Variants in THSD7B observed in about 807,000 individuals in gnomAD.
THSD7B encodes thrombospondin type 1 domain containing 7B.
THSD7B carries 138 observed loss-of-function variants against 213.6 expected under a neutral mutation model. The ratio of observed to expected loss-of-function variants is 0.65; its 90% CI spans 0.56 to 0.74. THSD7B has a LOEUF of 0.74. Ranked by LOEUF, THSD7B falls within the 30% of genes least tolerant of loss-of-function variation. The pLI is 0.00. For missense variants in THSD7B, 1,931 were observed against 1,991.5 expected, an observed-to-expected ratio of 0.97 and a Z score of 0.58; for synonymous variants, 742 against 687.0, an observed-to-expected ratio of 1.08 and a Z score of -1.25.
chr2:137,081,548 T>C (rs1687748087), intron 3 of THSD7B, among the ~76,000 whole-genome samples: 1 of 152,186 alleles, frequency 6.6e-6, no homozygotes, highest in South Asian at 2.1e-4. Flanking sequence ...CAATTCATTT[T>C]ATTATTTCTC....
At chr2:137,244,420 T>C (rs1681980437) in intron 10 of THSD7B, among the ~76,000 whole-genome samples, 1 of 152,186 alleles carries the variant, frequency 6.6e-6, no homozygotes, top group Non-Finnish European at 1.5e-5. Flanking sequence ...ATTAACTTTG[T>C]TGAGCCAGTG....
chr2:137,236,061 T>C (rs1411753752), intron 9 of THSD7B, among the ~76,000 whole-genome samples: 1 of 152,200 alleles, frequency 6.6e-6, no homozygotes, highest in Non-Finnish European at 1.5e-5. Context: ...ATCAGCAATA[T>C]AAAGTATCCT....
At chr2:137,254,591 C>A (rs1682261778) in intron 10 of THSD7B, among the ~76,000 whole-genome samples, 1 of 152,144 alleles carries the variant, frequency 6.6e-6, no homozygotes, top group Non-Finnish European at 1.5e-5. Context: ...TTCTGGTGGA[C>A]TCCTGGTATT....
chr2:137,615,065 G>T (rs1056774225), intron 17 of THSD7B, among the ~76,000 whole-genome samples: 1 of 152,142 alleles, frequency 6.6e-6, no homozygotes, highest in Admixed American at 6.5e-5. Flanking sequence ...TTGTGAACAT[G>T]TTTAATGGTA....
At chr2:137,196,165 G>A (rs1422934652) in intron 7 of THSD7B, among the ~76,000 whole-genome samples, 1 of 152,114 alleles carries the variant, frequency 6.6e-6, no homozygotes, top group African/African-American at 2.4e-5. Context: ...AAATCAAAGA[G>A]AGACTTCTAA....
chr2:136,949,705 C>G (rs140193326), intron 2 of THSD7B, among the ~76,000 whole-genome samples: 1 of 152,236 alleles, frequency 6.6e-6, no homozygotes, highest in East Asian at 1.9e-4. Flanking sequence ...AGGGGCAGCA[C>G]CCCCAGAGTT....
chr2:137,305,999 A>G (rs75633575), intron 12 of THSD7B, among the ~76,000 whole-genome samples: 8,517 of 152,190 alleles, frequency 0.056, 344 homozygotes, highest in East Asian at 0.1. Flanking sequence ...ATATAGTACA[A>G]AAGATAAAAT....
chr2:137,104,646 A>G (rs1244710462), intron 4 of THSD7B, among the ~76,000 whole-genome samples: 1 of 152,158 alleles, frequency 6.6e-6, no homozygotes, highest in Non-Finnish European at 1.5e-5. Context: ...GATTAACAAA[A>G]TGATAGACGG....
chr2:137,483,698 T>C lies in THSD7B; in HGVS notation c.3138+32675T>C, dbSNP rs559263869. 1.2e-4 allele frequency among the ~76,000 whole-genome samples: 19 copies of C among 152,254 alleles called. 1 individual carries two copies. In the South Asian group the frequency reaches 3.9e-3, roughly 32 times the overall value. The stretch of plus-strand genomic sequence containing the variant: ...AAAAGTAACAGTGGAGCTGAGCCTG[T>C]AGGATGATTCTAACAAGTAGAAAAT... On this transcript the variant is annotated intron_variant, in intron 15 of 27. Transcript: ENST00000409968.
chr2:136,971,844 A>C (rs1238909317), intron 2 of THSD7B, among the ~76,000 whole-genome samples: 1 of 152,142 alleles, frequency 6.6e-6, no homozygotes, highest in African/African-American at 2.4e-5. Flanking sequence ...GAGATAGGGA[A>C]GCTACAGCCA....
chr2:136,923,744 A>G (rs988505606), intron 2 of THSD7B, among the ~76,000 whole-genome samples: 1 of 152,086 alleles, frequency 6.6e-6, no homozygotes, highest in Non-Finnish European at 1.5e-5. Flanking sequence ...TTGGCTATTC[A>G]TATGTCTCTT....
chr2:137,149,187 G>A (rs1384235994), intron 5 of THSD7B, among the ~76,000 whole-genome samples: 1 of 152,198 alleles, frequency 6.6e-6, no homozygotes, highest in African/African-American at 2.4e-5. Flanking sequence ...TGTATGTGGT[G>A]TTGGGCCTTT....
chr2:137,666,029 A>G (rs1326343194), intron 26 of THSD7B, among the ~76,000 whole-genome samples: 3 of 152,160 alleles, frequency 2.0e-5, no homozygotes, highest in Admixed American at 1.3e-4. Flanking sequence ...GCTACTGGGT[A>G]GGGAATTGAG....
At chr2:137,199,174 C>CTAAACTGAGCTA (rs1680826593) in intron 7 of THSD7B, among the ~76,000 whole-genome samples, 1 of 152,154 alleles carries the variant, frequency 6.6e-6, no homozygotes, top group African/African-American at 2.4e-5. Flanking sequence ...TCTTCACTGA[C>CTAAACTGAGCTA]AGTGGTGAAC....
At chr2:136,778,464 A>G (rs1032569737) in intron 1 of THSD7B, among the ~76,000 whole-genome samples, 2 of 151,436 alleles carry the variant, frequency 1.3e-5, no homozygotes, top group African/African-American at 2.4e-5. Flanking sequence ...CTACCCCCAC[A>G]CTCTCCACCT....
chr2:137,091,239 G>A (rs1687943110), intron 3 of THSD7B, among the ~76,000 whole-genome samples: 1 of 152,160 alleles, frequency 6.6e-6, no homozygotes, highest in South Asian at 2.1e-4. Flanking sequence ...AGGAGGAAAA[G>A]TCAATGTGGG....
At chr2:137,258,852 CA>C (rs1265720870) in intron 10 of THSD7B, among the ~76,000 whole-genome samples, 1 of 151,642 alleles carries the variant, frequency 6.6e-6, no homozygotes, top group African/African-American at 2.4e-5. Flanking sequence ...CAACCCCTGA[CA>C]GGCCCTGAAG....
chr2:137,504,741 C>T (rs746773503), intron 15 of THSD7B, among the ~76,000 whole-genome samples: 4 of 152,224 alleles, frequency 2.6e-5, no homozygotes, highest in East Asian at 1.9e-4. Context: ...GCTGATGAGG[C>T]GATATCCATA....
At chr2:137,014,623 C>A (rs1686302015) in intron 2 of THSD7B, among the ~76,000 whole-genome samples, 1 of 152,160 alleles carries the variant, frequency 6.6e-6, no homozygotes, top group African/African-American at 2.4e-5. Flanking sequence ...GTCAGGAGCC[C>A]CAATTCAGGC....
Sources: allele counts gnomAD v4.1 joint callset (sites outside exome capture counted in the v4.1 genomes callset), GRCh38; gene constraint gnomAD v4.1.1; transcripts MANE v1.5; gene names NCBI Gene and HGNC (gene_info 2026-07-23, HGNC 2026-07-21).